TBC1D2: variants seen among roughly 807,000 people sequenced by gnomAD.
The protein encoded by TBC1D2 is TBC1 domain family member 2.
In TBC1D2, 58 loss-of-function variants were observed where a neutral mutation model predicts 91.1. The observed-to-expected ratio is 0.64, with a 90% confidence interval of 0.52 to 0.79. The LOEUF (loss-of-function observed/expected upper bound fraction) is 0.79. Ranked by LOEUF, TBC1D2 falls within the 30% of genes least tolerant of loss-of-function variation. The pLI, the probability that TBC1D2 is intolerant of heterozygous loss-of-function variation, is 0.00. For synonymous variants in TBC1D2, 482 were observed against 511.5 expected (o/e 0.94, Z 0.78); for missense variants, 1,080 against 1,208.3 (o/e 0.89, Z 1.57).
intron 11 of TBC1D2, 49 bp from the exon 12 acceptor site, chr9:98,200,423 T>C: frequency 1.9e-6 from 3 of 1,550,056 alleles, no homozygotes; most frequent in Non-Finnish European, 2.6e-6. Flanking sequence ...GCCAGGCAGG[T>C]CATCCCCGGA....
At chr9:98,252,311 A>C (rs1829889472) in intron 1 of TBC1D2, among the ~76,000 whole-genome samples, 1 of 152,184 alleles carries the variant, frequency 6.6e-6, no homozygotes, top group Non-Finnish European at 1.5e-5. Flanking sequence ...GAATTCTGAT[A>C]TGCGTGGGGT....
At chr9:98,236,402 T>A (rs1405352628) in intron 3 of TBC1D2, among the ~76,000 whole-genome samples, 1 of 152,170 alleles carries the variant, frequency 6.6e-6, no homozygotes, top group Non-Finnish European at 1.5e-5. Flanking sequence ...TTTGTATTTT[T>A]AGTAGAGACA....
chr9:98,233,402 G>A lies in TBC1D2; in HGVS notation c.781+14C>T. 2.5e-6 allele frequency: 4 copies of A among 1,612,758 alleles called. No individual in the cohort carries two copies. The highest frequency in any genetic ancestry group is 3.4e-6 in the Non-Finnish European group (4 of 1,179,354). ...TGGTCCCTGAAGGCAGCTCAGCCCT[G>A]GACAGAGGCTCACCTGGGGTGCTGG... is the stretch of plus-strand genomic sequence containing the variant. On this transcript the variant is annotated intron_variant, in intron 4 of 12. Coordinates refer to ENST00000465784, the MANE Select transcript of TBC1D2 (RefSeq NM_001267571.2).
chr9:98,212,062 G>A (rs112025778), intron 7 of TBC1D2, among the ~76,000 whole-genome samples: 16,592 of 152,078 alleles, frequency 0.11, 1,021 homozygotes, highest in Non-Finnish European at 0.13. Context: ...CTCCCAAAGC[G>A]CTGGGATTAC....
chr9:98,218,879 G>C (rs570785473), intron 6 of TBC1D2, among the ~76,000 whole-genome samples: 1 of 152,182 alleles, frequency 6.6e-6, no homozygotes, highest in Non-Finnish European at 1.5e-5. Context: ...TGCTCTACCG[G>C]GGCTTGCACA....
chr9:98,226,907 G>A (rs74335529), intron 5 of TBC1D2, among the ~76,000 whole-genome samples: 2,625 of 152,336 alleles, frequency 0.017, 72 homozygotes, highest in African/African-American at 0.06. Context: ...GTCCTCCAGA[G>A]ATGCAGAGCA....
intron 3 of TBC1D2, among the ~76,000 whole-genome samples, chr9:98,242,223 C>T (rs956692458): frequency 3.3e-5 from 5 of 152,042 alleles, no homozygotes; most frequent in African/African-American, 4.8e-5. Flanking sequence ...GGGCAAACCA[C>T]GAGGTCAGGA....
rs1828745412 is a variant in TBC1D2, at chr9:98,209,144, A to C, written c.1674T>G (p.Ser558Arg). Residue 558 changes from serine (S) to arginine (R), a missense_variant and splice_region_variant, in exon 9 of 13, where the codon AGT becomes AGG. Transcript: ENST00000465784. ...SSDSIELSPISKYDEYGFLTV... is the reference protein window; with the variant it reads ...SSDSIELSPIRKYDEYGFLTV... Reference sequence around the variant, plus strand: ...TCAGGAAGCCGTACTCATCATACTTACTGCCAGCAAAAGTGCACGTTAGCA... The same window carrying C: ...TCAGGAAGCCGTACTCATCATACTTCCTGCCAGCAAAAGTGCACGTTAGCA... The C allele has an allele frequency of 1.2e-6, 2 of 1,605,314 alleles. No individual in the cohort carries two copies. The highest frequency in any genetic ancestry group is 2.2e-5 in the East Asian group (1 of 44,600).
chr9:98,204,359 G>A lies in TBC1D2; in HGVS notation c.2151-951C>T, dbSNP rs1440719811. The stretch of plus-strand genomic sequence containing the variant: ...CTGAGAAGTCCTGTGGTGACAAAAC[G>A]CTGTGTGGCTGACTCTAACCCAGGG... On this transcript the variant is annotated intron_variant, in intron 9 of 12. Coordinates refer to ENST00000465784, the MANE Select transcript of TBC1D2 (RefSeq NM_001267571.2). Among the ~76,000 whole-genome samples, 3 of 152,156 alleles carry A rather than the reference G, an allele frequency of 2.0e-5. No homozygotes were observed. In the East Asian group the frequency reaches 5.8e-4, roughly 29 times the overall value.
chr9:98,216,343 C>T (rs1288059921), intron 6 of TBC1D2, among the ~76,000 whole-genome samples: 2 of 149,084 alleles, frequency 1.3e-5, no homozygotes, highest in South Asian at 4.4e-4. Context: ...TCACAGAGTT[C>T]GGAATCCAAT....
intron 6 of TBC1D2, among the ~76,000 whole-genome samples, chr9:98,215,256 C>T (rs1828942588): frequency 6.6e-6 from 1 of 152,232 alleles, no homozygotes; most frequent in Non-Finnish European, 1.5e-5. Context: ...CCACTCCCCA[C>T]TCTCTCTGGA....
Position 98,229,160 on chromosome 9 carries a change from G to A in TBC1D2, c.782-12C>T. 1.2e-6 allele frequency: 2 copies of A among 1,613,542 alleles called. No individual in the cohort carries two copies. The highest frequency in any genetic ancestry group is 1.7e-6 in the Non-Finnish European group (2 of 1,179,642). ...CTCTGGCTCTCTCCCTGCTCAAGAG[G>A]AGAAACGCAGAAGTTATGACTGATG... is the stretch of plus-strand genomic sequence containing the variant. On this transcript the variant is annotated splice_polypyrimidine_tract_variant and intron_variant, in intron 4 of 12. Transcript: ENST00000465784.
At position 98,208,788 on chromosome 9, in the gene TBC1D2, G is replaced by T; in HGVS notation, c.2030C>A (p.Thr677Asn). The change falls in exon 9 of 13, where the codon ACC becomes AAC. Residue 677 changes from threonine to asparagine, a missense_variant. Transcript: ENST00000465784. ...ARQIELDLNR[T>N]FPNNKHFTCP... ...GGTGAAGTGTTTGTTGTTGGGGAAG[G>T]TCCGGTTCAGGTCCAGCTCAATCTG... 1 of 1,592,842 alleles carries T rather than the reference G, an allele frequency of 6.3e-7. No individual in the cohort carries two copies. Among genetic ancestry groups the T allele is most frequent in the Non-Finnish European group, 8.6e-7 (1 of 1,165,856 alleles).
chr9:98,220,427 C>T (rs1034236327), intron 6 of TBC1D2, among the ~76,000 whole-genome samples: 5 of 152,118 alleles, frequency 3.3e-5, no homozygotes, highest in Non-Finnish European at 5.9e-5. Context: ...AGTGTGCAGG[C>T]GCAGGACTGT....
In TBC1D2 at chr9:98,213,108, C is replaced by T. The variant is rs369354290; in HGVS notation, c.1485G>A (p.Lys495=). Residue 495 remains lysine (K), a splice_region_variant and synonymous_variant, in exon 7 of 13, where the codon AAG becomes AAA. Transcript: ENST00000465784. ...VAEKEKALLT[K]CAYLQARNCQ... Reference sequence around the variant, plus strand: ...GCTGGAATAGGGCCCCACCCCGCACCTTCGTCAGAAGGGCCTTCTCCTTCT... The same window carrying T: ...GCTGGAATAGGGCCCCACCCCGCACTTTCGTCAGAAGGGCCTTCTCCTTCT... 36 of 1,614,070 alleles carry T rather than the reference C, an allele frequency of 2.2e-5. No individual in the cohort carries two copies. Among genetic ancestry groups the T allele is most frequent in the Non-Finnish European group, 2.0e-5 (24 of 1,180,024 alleles).
At chr9:98,237,900 CTTTTTTTTCT>C (rs1829546470) in intron 3 of TBC1D2, among the ~76,000 whole-genome samples, 3 of 139,056 alleles carry the variant, frequency 2.2e-5, no homozygotes, top group Non-Finnish European at 3.1e-5. Context: ...TTTTTTTTTT[CTTTTTTTTCT>C]TTTTTTTTTT....
At position 98,201,542 on chromosome 9, in the gene TBC1D2, C is replaced by A; in HGVS notation, c.2394G>T (p.Ala798=). The change falls in exon 11 of 13, where the codon GCG becomes GCT. Residue 798 remains alanine (A), a synonymous_variant. Coordinates refer to ENST00000465784, the MANE Select transcript of TBC1D2 (RefSeq NM_001267571.2). Reference sequence around the variant, plus strand: ...GGAGGATGTTGCTAATGAGACTGTCCGCAAAGACCACGAGGAACCAGTTGA... The same window carrying A: ...GGAGGATGTTGCTAATGAGACTGTCAGCAAAGACCACGAGGAACCAGTTGA... ...VTFNWFLVVF[A]DSLISNILLR... 1 of 1,614,114 alleles carries A rather than the reference C, an allele frequency of 6.2e-7. No homozygotes were observed. Among genetic ancestry groups the A allele is most frequent in the Non-Finnish European group, 8.5e-7 (1 of 1,180,018 alleles).
intron 6 of TBC1D2, among the ~76,000 whole-genome samples, chr9:98,215,075 C>T (rs1458478261): frequency 2.0e-5 from 3 of 152,216 alleles, no homozygotes; most frequent in Non-Finnish European, 4.4e-5. Flanking sequence ...AGATAAAAAA[C>T]CAGCTTCACT....
chr9:98,243,534 AT>A (rs368728395), intron 3 of TBC1D2, among the ~76,000 whole-genome samples: 15,861 of 125,134 alleles, frequency 0.13, 1,860 homozygotes, highest in African/African-American at 0.38. Flanking sequence ...CAATGAATGT[AT>A]TTTTTTTTTT....
Sources: allele counts gnomAD v4.1 joint callset (sites outside exome capture counted in the v4.1 genomes callset), GRCh38; gene constraint gnomAD v4.1.1; transcripts MANE v1.5; gene names NCBI Gene and HGNC (gene_info 2026-07-23, HGNC 2026-07-21).